MRTFB: variants seen among roughly 807,000 people sequenced by gnomAD.
MRTFB encodes myocardin-related transcription factor B.
Under a neutral mutation model 104.2 loss-of-function variants are expected in MRTFB, and 29 were observed. That is an observed-to-expected ratio of 0.28 (90% confidence interval 0.21 to 0.38). The LOEUF (loss-of-function observed/expected upper bound fraction) is 0.38, where lower values mean the gene tolerates loss of function less well. MRTFB is among the 10% of genes least tolerant of loss of function. The pLI, the probability that MRTFB is intolerant of heterozygous loss-of-function variation, is 1.00. For missense variants in MRTFB, 1,270 were observed against 1,341.6 expected, an observed-to-expected ratio of 0.95 and a Z score of 0.83; for synonymous variants, 535 against 519.5, an observed-to-expected ratio of 1.03 and a Z score of -0.41.
At chr16:14,025,526 G>A in the MRTFB span, among the ~76,000 whole-genome samples, 1 of 152,148 alleles carries the variant, frequency 6.6e-6, no homozygotes, top group East Asian at 1.9e-4. Flanking sequence ...CCTTCATGCG[G>A]TGCCTGCCCT....
At chr16:14,156,915 ACGGGTG>A (rs1488423830) in intron 3 of MRTFB, among the ~76,000 whole-genome samples, 1 of 152,168 alleles carries the variant, frequency 6.6e-6, no homozygotes, top group African/African-American at 2.4e-5. Flanking sequence ...TAGATCTATC[ACGGGTG>A]CAGCTAACCA....
intron 2 of MRTFB, among the ~76,000 whole-genome samples, chr16:14,112,862 G>A (rs1051814961): frequency 2.0e-5 from 3 of 152,082 alleles, no homozygotes; most frequent in Non-Finnish European, 4.4e-5. Context: ...GGGCTTCTCT[G>A]GACACCCTAT....
chr16:14,025,022 C>T, the MRTFB span, among the ~76,000 whole-genome samples: 1 of 152,028 alleles, frequency 6.6e-6, no homozygotes, highest in Non-Finnish European at 1.5e-5. Flanking sequence ...TTGTAATGTA[C>T]ATAATATAGT....
At chr16:14,023,595 A>T in the MRTFB span, among the ~76,000 whole-genome samples, 5 of 88,616 alleles carry the variant, frequency 5.6e-5, no homozygotes, top group Non-Finnish European at 9.1e-5. Flanking sequence ...ACACACACAC[A>T]CACACACACA....
chr16:14,087,958 C>G (rs1208819460), intron 2 of MRTFB, among the ~76,000 whole-genome samples: 1 of 152,122 alleles, frequency 6.6e-6, no homozygotes, highest in African/African-American at 2.4e-5. Flanking sequence ...TTAAATACCT[C>G]TTAGGTGAAT....
chr16:14,022,357 T>C, the MRTFB span, among the ~76,000 whole-genome samples: 1 of 152,192 alleles, frequency 6.6e-6, no homozygotes, highest in Non-Finnish European at 1.5e-5. Flanking sequence ...TCTATCATAA[T>C]CCCATTTGAG....
chr16:14,209,381 G>T (rs2041091418), intron 3 of MRTFB, among the ~76,000 whole-genome samples: 1 of 151,950 alleles, frequency 6.6e-6, no homozygotes, highest in Non-Finnish European at 1.5e-5. Context: ...AAATCAAAAT[G>T]GCAACTTAAA....
chr16:14,176,133 C>A (rs1032830622), intron 3 of MRTFB, among the ~76,000 whole-genome samples: 1 of 152,110 alleles, frequency 6.6e-6, no homozygotes, highest in African/African-American at 2.4e-5. Context: ...CTTTTAGATA[C>A]AACCAAAAAT....
chr16:14,194,068 C>T (rs117745148), intron 3 of MRTFB, among the ~76,000 whole-genome samples: 1 of 152,160 alleles, frequency 6.6e-6, no homozygotes, highest in Non-Finnish European at 1.5e-5. Flanking sequence ...AGTATAGATA[C>T]GTTTGAAACA....
At chr16:14,116,735 C>T (rs1412115760) in intron 2 of MRTFB, among the ~76,000 whole-genome samples, 1 of 152,076 alleles carries the variant, frequency 6.6e-6, no homozygotes, top group African/African-American at 2.4e-5. Context: ...TGGTCTCCAC[C>T]CACTAGATGC....
the MRTFB span, among the ~76,000 whole-genome samples, chr16:14,053,272 T>C: frequency 6.6e-6 from 1 of 152,056 alleles, no homozygotes; most frequent in African/African-American, 2.4e-5. Flanking sequence ...ATATATGTAA[T>C]ATCCATTTAT....
intron 3 of MRTFB, chr16:14,200,679 GA>G: frequency 1.3e-6 from 2 of 1,548,726 alleles, no homozygotes; most frequent in Non-Finnish European, 1.8e-6. Context: ...TTTGAATCTA[GA>G]AAGGAGTCCT....
intron 2 of MRTFB, among the ~76,000 whole-genome samples, chr16:14,109,348 A>C (rs1307874415): frequency 1.3e-5 from 2 of 152,200 alleles, no homozygotes; most frequent in African/African-American, 4.8e-5. Context: ...AAACGGATGT[A>C]CTCAGTTTAA....
At chr16:14,210,895 T>C (rs2041163879) in intron 4 of MRTFB, among the ~76,000 whole-genome samples, 1 of 152,204 alleles carries the variant, frequency 6.6e-6, no homozygotes, top group Non-Finnish European at 1.5e-5. Context: ...TTTGTTCTAG[T>C]TGTTTCTTTA....
chr16:14,030,364 T>C, the MRTFB span, among the ~76,000 whole-genome samples: 1 of 152,156 alleles, frequency 6.6e-6, no homozygotes, highest in African/African-American at 2.4e-5. Context: ...GAGTCAGATA[T>C]AGCTGGTTCA....
At position 14,237,201 on chromosome 16, in the gene MRTFB, G is replaced by A. The variant is rs118072524; in HGVS notation, c.831+2918G>A. Among the ~76,000 whole-genome samples the A allele has an allele frequency of 7.0e-3, 1,068 of 152,304 alleles. 7 individuals are homozygous for A. Among genetic ancestry groups the A allele is most frequent in the South Asian group, 0.026 (126 of 4,820 alleles). ...AATGGCATTTAAAGCCATGAAACCC[G>A]GTTAAATTACCTAGGGTCTAAGTAC... On this transcript the variant is annotated intron_variant, in intron 9 of 16. Transcript: ENST00000571589.
At chr16:14,127,909 A>G (rs1310338098) in intron 2 of MRTFB, among the ~76,000 whole-genome samples, 2 of 36,366 alleles carry the variant, frequency 5.5e-5, no homozygotes, top group African/African-American at 3.6e-4. Flanking sequence ...GAATATATAT[A>G]TATATATATA....
chr16:14,031,643 G>A, the MRTFB span, among the ~76,000 whole-genome samples: 51 of 152,232 alleles, frequency 3.4e-4, no homozygotes, highest in African/African-American at 1.2e-3. Context: ...CCTGGTCAGA[G>A]CCACTAAAAC....
chr16:14,144,909 A>C (rs1056364782), intron 3 of MRTFB: 3 of 149,938 alleles, frequency 2.0e-5, no homozygotes, highest in African/African-American at 7.3e-5. Context: ...AGATTGCACC[A>C]CTGCACTCCA....
Sources: allele counts gnomAD v4.1 joint callset (sites outside exome capture counted in the v4.1 genomes callset), GRCh38; gene constraint gnomAD v4.1.1; transcripts MANE v1.5; gene names NCBI Gene and HGNC (gene_info 2026-07-23, HGNC 2026-07-21).